The following BRMS1 variants were observed in gnomAD, a reference collection of about 807,000 sequenced individuals.
BRMS1 encodes the protein breast cancer metastasis-suppressor 1.
In BRMS1, 26 loss-of-function variants were observed where a neutral mutation model predicts 40.4. That is an observed-to-expected ratio of 0.64 (90% CI 0.47 to 0.89). The LOEUF (loss-of-function observed/expected upper bound fraction) is 0.89. BRMS1 is among the 40% of genes least tolerant of loss of function. The pLI is 0.00. For missense variants in BRMS1, 289 were observed against 309.4 expected, an observed-to-expected ratio of 0.93 and a Z score of 0.49; for synonymous variants, 103 against 116.0, an observed-to-expected ratio of 0.89 and a Z score of 0.72.
At chr11:66,340,590 C>G (rs1178402318) in intron 6 of BRMS1, among the ~76,000 whole-genome samples, 184 bp downstream of exon 6, 1 of 152,234 alleles carries the variant, frequency 6.6e-6, no homozygotes, top group Non-Finnish European at 1.5e-5. Context: ...GGGAGACCCA[C>G]TCTGCTTGAG....
In BRMS1 at chr11:66,338,242, C is replaced by T. The variant is rs1320644072; in HGVS notation, c.733+1G>A. ...GGCCATGCAACAGCCATGGTTCTTACCATCCGATTTTCTCTTCTGAGGGGA... is the reference window on the plus strand; with the variant it reads ...GGCCATGCAACAGCCATGGTTCTTATCATCCGATTTTCTCTTCTGAGGGGA... On this transcript the variant is annotated splice_donor_variant, in intron 9 of 9. Transcript: ENST00000359957. LOFTEE classifies it high-confidence loss of function. 1 of 1,611,332 alleles carries T rather than the reference C, an allele frequency of 6.2e-7. No individual in the cohort carries two copies. The highest frequency in any genetic ancestry group is 2.2e-5 in the East Asian group (1 of 44,858).
At position 66,339,687 on chromosome 11, in the gene BRMS1, C is replaced by CT. The variant is rs754178186; in HGVS notation, c.628+433dup. On this transcript the variant is annotated intron_variant, in intron 7 of 9. Transcript: ENST00000359957. ...TCACGGCTCACTGCAGCCTTGATCT[C>CT]TCAGGCTCAAGCAATCCTCTTACCT... is the stretch of plus-strand genomic sequence containing the variant. 3.5e-4 allele frequency: 55 copies of CT among 158,320 alleles called. 1 individual carries two copies. The highest frequency in any genetic ancestry group is 3.8e-4 in the Non-Finnish European group (27 of 71,422). The allele number at this position is 158,320 out of a possible 1,614,324, so 9.8% of individuals were successfully genotyped here.
At chr11:66,339,566 C>G (rs1855019195) in intron 7 of BRMS1, among the ~76,000 whole-genome samples, 1 of 152,198 alleles carries the variant, frequency 6.6e-6, no homozygotes, top group South Asian at 2.1e-4. Flanking sequence ...TGAGCAAAGG[C>G]TCCCCAGGGA....
In BRMS1 at chr11:66,338,705, C is replaced by T; in HGVS notation, c.693+16G>A. 1.2e-6 allele frequency: 2 copies of T among 1,611,192 alleles called. No homozygotes were observed. The highest frequency in any genetic ancestry group is 1.1e-5 in the South Asian group (1 of 90,980). ...CCTGAGGTGGGGCAGGTCACGTGGG[C>T]AGCAGCGGCCCCCACCTTTTTGATG... On this transcript the variant is annotated intron_variant, in intron 8 of 9. Coordinates refer to ENST00000359957, the MANE Select transcript of BRMS1 (RefSeq NM_015399.4).
rs1172252451 is a variant in BRMS1 at position 66,342,324 on chromosome 11, G to A, written c.-7-83C>T. 33 of 1,539,174 alleles carry A rather than the reference G, an allele frequency of 2.1e-5. No homozygotes were observed. In the South Asian group the frequency reaches 3.1e-4, roughly 14 times the overall value. Reference sequence around the variant, plus strand: ...GGCAGCAGGATGCTGAACACAACTCGATCCCAGATGGGGAAAGCCAGGGAA... The same window carrying A: ...GGCAGCAGGATGCTGAACACAACTCAATCCCAGATGGGGAAAGCCAGGGAA... On this transcript the variant is annotated intron_variant, in intron 1 of 9. Transcript: ENST00000359957.
chr11:66,341,122 C>T lies in BRMS1; in HGVS notation c.359-76G>A. On this transcript the variant is annotated intron_variant, in intron 4 of 9. Transcript: ENST00000359957. The surrounding 1 kb of genome is among the most constrained non-coding windows in gnomAD (Gnocchi z 4.9). The stretch of plus-strand genomic sequence containing the variant: ...ACATAGGAGGGCTGAGAGCAAAGGG[C>T]AAGGCCGGGCAGGAACGAGAGAGGA... 6.2e-7 allele frequency: 1 copy of T among 1,612,200 alleles called. No individual in the cohort carries two copies. The highest frequency in any genetic ancestry group is 2.2e-5 in the East Asian group (1 of 44,860).
intron 2 of BRMS1, 40 bp downstream of exon 2, chr11:66,342,056 C>CTGTGTA: frequency 2.0e-6 from 3 of 1,490,350 alleles, no homozygotes; most frequent in Non-Finnish European, 1.8e-6. Context: ...TGTAGGGGCT[C>CTGTGTA]TGTGTGTGTG....
rs572153129 is a variant in BRMS1, at chr11:66,340,956, A to G, written c.438+11T>C. 22 of 1,614,026 alleles carry G rather than the reference A, an allele frequency of 1.4e-5. No homozygotes were observed. In the African/African-American group the frequency reaches 2.7e-4, roughly 20 times the overall value. On this transcript the variant is annotated intron_variant, in intron 5 of 9. Coordinates refer to ENST00000359957, the MANE Select transcript of BRMS1 (RefSeq NM_015399.4). ...CCCTGCCTCACCCCCAGTGTGCCCA[A>G]TCAGGCCCACCTCCAGGTGCTGTTT...
chr11:66,339,518 G>A (rs1484326871), intron 7 of BRMS1, among the ~76,000 whole-genome samples: 1 of 152,236 alleles, frequency 6.6e-6, no homozygotes, highest in Non-Finnish European at 1.5e-5. Context: ...GCCCTGGACA[G>A]TCGGGACAGG....
rs199859755 is a variant in BRMS1 at position 66,337,748 on chromosome 11, C to G, written c.*134G>C. 7.4e-6 allele frequency: 12 copies of G among 1,612,832 alleles called. No homozygotes were observed. The highest frequency in any genetic ancestry group is 1.8e-4 in the Middle Eastern group (1 of 5,642). Reference sequence around the variant, plus strand: ...GCCAGTGCCAGATGGAGTGGGAGGGCCCAGCAGCACCACAGGAGCCTGGCT... The same window carrying G: ...GCCAGTGCCAGATGGAGTGGGAGGGGCCAGCAGCACCACAGGAGCCTGGCT... On this transcript the variant is annotated 3_prime_UTR_variant, in exon 10 of 10. Transcript: ENST00000359957.
At chr11:66,339,471 A>G (rs1367528616) in intron 7 of BRMS1, among the ~76,000 whole-genome samples, 4 of 152,360 alleles carry the variant, frequency 2.6e-5, no homozygotes, top group Non-Finnish European at 4.4e-5. Flanking sequence ...GGGTAAGACC[A>G]GAAGAGGCCT....
chr11:66,340,210 C>A lies in BRMS1; in HGVS notation c.539G>T (p.Trp180Leu). Reference sequence around the variant, plus strand: ...TCTGGCGTGCAGTTTGTCATCCCACCATTCTGCCCCGAGACCCAGAGTTAG... The same window carrying A: ...TCTGGCGTGCAGTTTGTCATCCCACAATTCTGCCCCGAGACCCAGAGTTAG... ...DRQSLDLSSE[W>L]WDDKLHARGS... Residue 180 changes from tryptophan to leucine, a missense_variant, in exon 7 of 10, where the codon TGG becomes TTG. Trp to Leu is a moderately conservative substitution (Grantham distance 61, BLOSUM62 -2). Coordinates refer to ENST00000359957, the MANE Select transcript of BRMS1 (RefSeq NM_015399.4). The A allele has an allele frequency of 6.2e-7, 1 of 1,613,484 alleles. No individual in the cohort carries two copies. The highest frequency in any genetic ancestry group is 8.5e-7 in the Non-Finnish European group (1 of 1,179,770).
intron 1 of BRMS1, among the ~76,000 whole-genome samples, chr11:66,344,315 T>A (rs544223459): frequency 2.6e-5 from 4 of 152,308 alleles, no homozygotes; most frequent in African/African-American, 9.6e-5. Flanking sequence ...TGACACCAGT[T>A]CAAGTTGTGT....
intron 9 of BRMS1, 135 bp downstream of exon 9, chr11:66,338,108 A>T (rs1046040193): frequency 6.0e-6 from 8 of 1,323,704 alleles, no homozygotes; most frequent in African/African-American, 1.5e-5. Context: ...CCTCAAATCT[A>T]GACCATCCTA....
chr11:66,338,318 C>A (rs1193921499), intron 8 of BRMS1, 36 bp from the exon 9 acceptor site: 1 of 1,590,026 alleles, frequency 6.3e-7, no homozygotes, highest in Non-Finnish European at 8.6e-7. Flanking sequence ...CCTGAGAGCC[C>A]ACCTCCAGCT....
At chr11:66,343,932 G>T (rs1178667733) in intron 1 of BRMS1, among the ~76,000 whole-genome samples, 1 of 152,204 alleles carries the variant, frequency 6.6e-6, no homozygotes, top group Non-Finnish European at 1.5e-5. Context: ...ACTGCCAAGA[G>T]ATCACCTAAG....
rs114847819 is a variant in BRMS1, at chr11:66,341,476, C to T, written c.230+57G>A. 4.9e-4 allele frequency: 782 copies of T among 1,605,060 alleles called. 7 individuals carry two copies. In the African/African-American group the frequency reaches 8.2e-3, roughly 17 times the overall value. On this transcript the variant is annotated intron_variant, in intron 3 of 9. Coordinates refer to ENST00000359957, the MANE Select transcript of BRMS1 (RefSeq NM_015399.4). This position sits in a 1 kb window ranked among gnomAD's most constrained non-coding sequence, Gnocchi z 4.9. ...AACCACGCCTGCCCAGTACCAGGCC[C>T]ACCACCTCCTCATCCCAGATCCTCG...
Position 66,341,089 on chromosome 11 carries a change from C to T in BRMS1, c.359-43G>A, listed in dbSNP as rs772200688. The T allele has an allele frequency of 1.7e-5, 27 of 1,612,152 alleles. No homozygotes were observed. The highest frequency in any genetic ancestry group is 4.0e-5 in the African/African-American group (3 of 74,878). ...AGGGTCCCTGCTTGGCTGGGGAGCCCGGTGCCCACATAGGAGGGCTGAGAG... is the reference window on the plus strand; with the variant it reads ...AGGGTCCCTGCTTGGCTGGGGAGCCTGGTGCCCACATAGGAGGGCTGAGAG... On this transcript the variant is annotated intron_variant, in intron 4 of 9. Transcript: ENST00000359957. The surrounding 1 kb of genome is among the most constrained non-coding windows in gnomAD (Gnocchi z 4.9).
Position 66,341,405 on chromosome 11 carries a change from C to T in BRMS1, c.231-72G>A. Reference sequence around the variant, plus strand: ...TCTTGGGCAAACACATACCCAGCACCCATTCCACAGCAAGCCCGGTGTTAG... The same window carrying T: ...TCTTGGGCAAACACATACCCAGCACTCATTCCACAGCAAGCCCGGTGTTAG... On this transcript the variant is annotated intron_variant, in intron 3 of 9. Coordinates refer to ENST00000359957, the MANE Select transcript of BRMS1 (RefSeq NM_015399.4). The surrounding 1 kb of genome is among the most constrained non-coding windows in gnomAD (Gnocchi z 4.9). The T allele has an allele frequency of 1.2e-6, 2 of 1,603,792 alleles. No individual in the cohort carries two copies. Among genetic ancestry groups the T allele is most frequent in the Non-Finnish European group, 8.5e-7 (1 of 1,172,612 alleles).
Sources: gnomAD v4.1 joint callset for allele counts (sites outside exome capture counted in the v4.1 genomes callset) on GRCh38, gnomAD v4.1.1 for gene constraint, Gnocchi (gnomAD v3.1) non-coding constraint, MANE v1.5 for transcripts, NCBI Gene and HGNC (gene_info 2026-07-23, HGNC 2026-07-21) for gene names.